BNC2: variants seen among roughly 807,000 people sequenced by gnomAD.
BNC2 encodes basonuclin zinc finger protein 2, also known as zinc finger protein basonuclin-2.
In BNC2, 20 loss-of-function variants were observed where a neutral mutation model predicts 76.3. That is an observed-to-expected ratio of 0.26 (90% confidence interval 0.18 to 0.38). The LOEUF is 0.38. BNC2 is among the 10% of genes least tolerant of loss of function. The probability of loss-of-function intolerance (pLI) is 1.00; values close to 1 mark genes in which losing one functional copy is unlikely to be tolerated. For synonymous variants in BNC2, 582 were observed against 514.8 expected, an observed-to-expected ratio of 1.13 and a Z score of -1.77; for missense variants, 1,382 against 1,399.8, an observed-to-expected ratio of 0.99 and a Z score of 0.20.
intron 3 of BNC2, among the ~76,000 whole-genome samples, chr9:16,640,569 A>G (rs911824194): frequency 6.6e-6 from 1 of 152,236 alleles, no homozygotes; most frequent in African/African-American, 2.4e-5. Context: ...ATACAACTCA[A>G]TTAAGCGGTC....
chr9:16,761,220 C>A (rs982895628), intron 1 of BNC2, among the ~76,000 whole-genome samples: 2 of 152,074 alleles, frequency 1.3e-5, no homozygotes, highest in Admixed American at 6.6e-5. Flanking sequence ...TGCACTCCAG[C>A]CTGGCAGACA....
At chr9:16,741,851 G>C (rs1824859618) in intron 1 of BNC2, among the ~76,000 whole-genome samples, 1 of 150,312 alleles carries the variant, frequency 6.7e-6, no homozygotes, top group Non-Finnish European at 1.5e-5. Context: ...CCAGCTACTT[G>C]GGAGGCTGAG....
intron 1 of BNC2, among the ~76,000 whole-genome samples, chr9:16,773,869 G>A (rs1655258411): frequency 6.6e-6 from 1 of 152,144 alleles, no homozygotes; most frequent in South Asian, 2.1e-4. Context: ...CAAATAATGT[G>A]CTTGCCAACA....
chr9:16,727,923 C>T lies in BNC2; in HGVS notation c.204G>A (p.Leu68=). 1.2e-6 allele frequency: 2 copies of T among 1,614,110 alleles called. No individual in the cohort carries two copies. Among genetic ancestry groups the T allele is most frequent in the Non-Finnish European group, 1.7e-6 (2 of 1,180,022 alleles). The change falls in exon 3 of 7, where the codon TTG becomes TTA. Residue 68 remains leucine, a synonymous_variant. Transcript: ENST00000380672. Reference sequence around the variant, plus strand: ...TGTCAGTACAGGAGTCTCTTAAAGTCAAGTCTCTTGCCCTCTTTGGCTCTC... The same window carrying T: ...TGTCAGTACAGGAGTCTCTTAAAGTTAAGTCTCTTGCCCTCTTTGGCTCTC... The part of the protein sequence containing the change: ...RDREPKRARD[L]TLRDSCTDNS...
intron 5 of BNC2, among the ~76,000 whole-genome samples, chr9:16,440,274 C>T (rs1204076594): frequency 6.6e-6 from 1 of 152,128 alleles, no homozygotes; most frequent in East Asian, 1.9e-4. Flanking sequence ...GTCCACAGTA[C>T]TCAGTGGCTG....
At chr9:16,697,294 G>A (rs539819886) in intron 3 of BNC2, among the ~76,000 whole-genome samples, 39 of 152,238 alleles carry the variant, frequency 2.6e-4, no homozygotes, top group Non-Finnish European at 3.4e-4. Flanking sequence ...GTAGTGAGCC[G>A]AGATTGCGCC....
At chr9:16,663,539 C>T (rs891223444) in intron 3 of BNC2, among the ~76,000 whole-genome samples, 1 of 152,156 alleles carries the variant, frequency 6.6e-6, no homozygotes, top group African/African-American at 2.4e-5. Flanking sequence ...GACTGAACTT[C>T]ATGATCTCTA....
intron 3 of BNC2, among the ~76,000 whole-genome samples, chr9:16,624,832 G>C (rs1820950060): frequency 6.6e-6 from 1 of 152,102 alleles, no homozygotes. Context: ...ATCTTTATGT[G>C]GCTGAAATGA....
chr9:16,688,041 T>A (rs1403205778), intron 3 of BNC2, among the ~76,000 whole-genome samples: 3 of 152,068 alleles, frequency 2.0e-5, no homozygotes, highest in Non-Finnish European at 4.4e-5. Context: ...GAAAAATATA[T>A]CCATAAGAAT....
At chr9:16,659,537 G>A (rs1221535370) in intron 3 of BNC2, among the ~76,000 whole-genome samples, 1 of 151,594 alleles carries the variant, frequency 6.6e-6, no homozygotes, top group East Asian at 1.9e-4. Flanking sequence ...GAACCCAGGA[G>A]GCGGAAATTG....
At chr9:16,618,524 A>G (rs1397887823) in intron 3 of BNC2, among the ~76,000 whole-genome samples, 3 of 152,174 alleles carry the variant, frequency 2.0e-5, no homozygotes, top group African/African-American at 7.2e-5. Flanking sequence ...AATCAGCAGC[A>G]AGATCTGTAA....
chr9:16,795,507 C>T (rs149924314), intron 1 of BNC2, among the ~76,000 whole-genome samples: 44 of 152,016 alleles, frequency 2.9e-4, no homozygotes, highest in African/African-American at 9.9e-4. Context: ...GAAGGCCAGA[C>T]GGCCATGCAA....
intron 3 of BNC2, among the ~76,000 whole-genome samples, chr9:16,674,333 C>T (rs1822572551): frequency 6.6e-6 from 1 of 152,110 alleles, no homozygotes; most frequent in Non-Finnish European, 1.5e-5. Context: ...TCCCAATTTC[C>T]TAGCCAGAAA....
At chr9:16,820,387 T>C (rs1586910273) in intron 1 of BNC2, among the ~76,000 whole-genome samples, 3 of 151,776 alleles carry the variant, frequency 2.0e-5, no homozygotes, top group East Asian at 1.9e-4. Context: ...GATCGCACCA[T>C]TGCGCTCCAG....
intron 3 of BNC2, among the ~76,000 whole-genome samples, 156 bp from the exon 4 acceptor site, chr9:16,583,241 C>A (rs1014536000): frequency 2.6e-5 from 4 of 152,026 alleles, no homozygotes; most frequent in Admixed American, 6.6e-5. Context: ...TCACCAAAAT[C>A]TCTTATTAAA....
At chr9:16,646,548 A>C (rs1821632133) in intron 3 of BNC2, among the ~76,000 whole-genome samples, 1 of 152,194 alleles carries the variant, frequency 6.6e-6, no homozygotes, top group Non-Finnish European at 1.5e-5. Flanking sequence ...AGGTAAAATG[A>C]ATCTATTGTG....
chr9:16,764,656 AACT>A (rs560446356), intron 1 of BNC2, among the ~76,000 whole-genome samples: 164 of 152,294 alleles, frequency 1.1e-3, no homozygotes, highest in African/African-American at 3.7e-3. Context: ...CCTTTCTTGA[AACT>A]ACTAATATAA....
At position 16,773,384 on chromosome 9, in the gene BNC2, A is replaced by C. The variant is rs549802564; in HGVS notation, c.4-34899T>G. Among the ~76,000 whole-genome samples, 4 of 152,172 alleles carry C rather than the reference A, an allele frequency of 2.6e-5. No homozygotes were observed. The East Asian group carries it at 7.7e-4, about 29-fold the overall frequency. On this transcript the variant is annotated intron_variant, in intron 1 of 6. Coordinates refer to ENST00000380672, the MANE Select transcript of BNC2 (RefSeq NM_017637.6). ...TTTTTTCCCCTCTCTCTTTCAGTGT[A>C]TGTCCATTCCCACTGCTTACATGGA...
At chr9:16,493,839 A>C (rs781360870) in intron 5 of BNC2, among the ~76,000 whole-genome samples, 5 of 152,174 alleles carry the variant, frequency 3.3e-5, no homozygotes, top group Non-Finnish European at 7.4e-5. Flanking sequence ...ATGCAGCAGT[A>C]AGTAGAAAGG....
Sources: gnomAD v4.1 joint callset for allele counts (sites outside exome capture counted in the v4.1 genomes callset) on GRCh38, gnomAD v4.1.1 for gene constraint, MANE v1.5 for transcripts, NCBI Gene and HGNC (gene_info 2026-07-23, HGNC 2026-07-21) for gene names.